The following CLSTN2 variants were observed in gnomAD, a reference collection of about 807,000 sequenced individuals.
CLSTN2 encodes the protein calsyntenin 2.
In CLSTN2, 48 loss-of-function variants were observed where a neutral mutation model predicts 101.2. That is an observed-to-expected ratio of 0.47 (90% confidence interval 0.38 to 0.60). The LOEUF (loss-of-function observed/expected upper bound fraction) is 0.60, where lower values mean the gene tolerates loss of function less well. Among genes scored for constraint, CLSTN2 ranks in the 20% least tolerant of loss-of-function variants. The probability of loss-of-function intolerance (pLI) is 0.00; values close to 1 mark genes in which losing one functional copy is unlikely to be tolerated. For synonymous variants in CLSTN2, 481 were observed against 463.6 expected, an observed-to-expected ratio of 1.04 and a Z score of -0.48; for missense variants, 1,160 against 1,238.2, an observed-to-expected ratio of 0.94 and a Z score of 0.95.
intron 1 of CLSTN2, among the ~76,000 whole-genome samples, chr3:139,943,435 C>T (rs1265556734): frequency 1.3e-5 from 2 of 152,140 alleles, no homozygotes; most frequent in East Asian, 1.9e-4. Flanking sequence ...GTCATGAATT[C>T]TATCTTTCAC....
At chr3:140,421,563 G>A (rs201528001) in intron 5 of CLSTN2, among the ~76,000 whole-genome samples, 2 of 149,582 alleles carry the variant, frequency 1.3e-5, no homozygotes, top group Non-Finnish European at 3.0e-5. Flanking sequence ...CTCACAGCAT[G>A]TAGGAGAAAT....
intron 1 of CLSTN2, among the ~76,000 whole-genome samples, chr3:140,007,591 T>G (rs951580439): frequency 6.6e-5 from 10 of 152,116 alleles, no homozygotes; most frequent in Non-Finnish European, 1.5e-5. Flanking sequence ...AGGAAGATGG[T>G]TTAAATAATG....
At chr3:140,480,978 T>C (rs1417844273) in intron 8 of CLSTN2, among the ~76,000 whole-genome samples, 1 of 152,230 alleles carries the variant, frequency 6.6e-6, no homozygotes, top group Non-Finnish European at 1.5e-5. Flanking sequence ...ATTTTGGCTT[T>C]TGTTGCCATT....
chr3:140,435,529 A>G (rs575763238), intron 5 of CLSTN2, among the ~76,000 whole-genome samples: 138 of 152,326 alleles, frequency 9.1e-4, no homozygotes, highest in African/African-American at 3.3e-3. Context: ...CAACAAACAT[A>G]GGTGTGCAGA....
At chr3:140,138,862 T>C (rs1472772070) in intron 1 of CLSTN2, among the ~76,000 whole-genome samples, 2 of 152,196 alleles carry the variant, frequency 1.3e-5, no homozygotes, top group African/African-American at 4.8e-5. Context: ...GCTCCATTTT[T>C]AAGAGGCAGT....
intron 1 of CLSTN2, among the ~76,000 whole-genome samples, chr3:140,144,694 G>C (rs2009755733): frequency 6.6e-6 from 1 of 152,058 alleles, no homozygotes; most frequent in South Asian, 2.1e-4. Context: ...AAAACCAAAA[G>C]AGCAGATTAG....
chr3:140,181,054 T>C (rs1559800132), intron 2 of CLSTN2, among the ~76,000 whole-genome samples: 1 of 152,188 alleles, frequency 6.6e-6, no homozygotes, highest in Admixed American at 6.5e-5. Flanking sequence ...ATGTGTCTTA[T>C]AGTGAGAAGG....
At chr3:140,213,393 T>A (rs2010881803) in intron 2 of CLSTN2, among the ~76,000 whole-genome samples, 1 of 152,162 alleles carries the variant, frequency 6.6e-6, no homozygotes, top group Admixed American at 6.5e-5. Context: ...CCCTGGACAA[T>A]ACCAGTGAGC....
intron 2 of CLSTN2, among the ~76,000 whole-genome samples, chr3:140,399,766 G>T (rs1356253648): frequency 2.6e-5 from 4 of 151,810 alleles, no homozygotes; most frequent in Non-Finnish European, 5.9e-5. Context: ...TGTTACAAAG[G>T]TATATTGCTT....
At chr3:140,162,220 C>T (rs60537808) in intron 1 of CLSTN2, among the ~76,000 whole-genome samples, 2,030 of 152,260 alleles carry the variant, frequency 0.013, 48 homozygotes, top group African/African-American at 0.047. Context: ...GAAAGGGTCT[C>T]AGAGACCCTC....
intron 2 of CLSTN2, among the ~76,000 whole-genome samples, chr3:140,394,904 G>C (rs2088162832): frequency 6.6e-6 from 1 of 152,104 alleles, no homozygotes; most frequent in South Asian, 2.1e-4. Flanking sequence ...TTTTGTACTT[G>C]GACTCCTTTA....
chr3:140,566,003 G>A (rs767506386), intron 16 of CLSTN2, 50 bp from the exon 17 acceptor site: 4 of 1,609,606 alleles, frequency 2.5e-6, no homozygotes, highest in South Asian at 1.1e-5. Flanking sequence ...CTCCAAAATG[G>A]CCTCTGTTCA....
chr3:140,023,419 G>A (rs1011533267), intron 1 of CLSTN2, among the ~76,000 whole-genome samples: 11 of 152,196 alleles, frequency 7.2e-5, no homozygotes, highest in Admixed American at 5.2e-4. Context: ...AGGGGGTAGA[G>A]TAGACAGAGG....
chr3:140,512,941 A>G (rs1261502808), intron 8 of CLSTN2, among the ~76,000 whole-genome samples: 1 of 152,036 alleles, frequency 6.6e-6, no homozygotes, highest in Non-Finnish European at 1.5e-5. Context: ...TAGGAATGCT[A>G]GTGATTTTTG....
At chr3:140,214,175 C>T (rs981013834) in intron 2 of CLSTN2, among the ~76,000 whole-genome samples, 8 of 152,064 alleles carry the variant, frequency 5.3e-5, no homozygotes, top group African/African-American at 1.7e-4. Flanking sequence ...CATGGTGGCT[C>T]ACGCCTGTAA....
At chr3:140,252,853 G>T (rs2086575946) in intron 2 of CLSTN2, among the ~76,000 whole-genome samples, 1 of 152,048 alleles carries the variant, frequency 6.6e-6, no homozygotes, top group African/African-American at 2.4e-5. Flanking sequence ...AGCTGAGAAA[G>T]CCTGTGAGCT....
At chr3:140,234,805 G>T (rs1278879643) in intron 2 of CLSTN2, among the ~76,000 whole-genome samples, 1 of 152,082 alleles carries the variant, frequency 6.6e-6, no homozygotes. Context: ...TCCGTGTACT[G>T]CCCTGGTTGT....
chr3:140,381,555 A>C (rs2087984120), intron 2 of CLSTN2, among the ~76,000 whole-genome samples: 1 of 152,228 alleles, frequency 6.6e-6, no homozygotes. Context: ...AGCTCATAGC[A>C]TGATACTTGA....
chr3:140,458,836 CA>C (rs1576579266), intron 6 of CLSTN2, among the ~76,000 whole-genome samples: 2 of 152,206 alleles, frequency 1.3e-5, no homozygotes, highest in East Asian at 3.8e-4. Context: ...TCAAAAAGGT[CA>C]ACTTATTTGC....
Sources: allele counts gnomAD v4.1 joint callset (sites outside exome capture counted in the v4.1 genomes callset), GRCh38; gene constraint gnomAD v4.1.1; transcripts MANE v1.5; gene names NCBI Gene and HGNC (gene_info 2026-07-23, HGNC 2026-07-21).